The following TECRL variants were observed in gnomAD, a reference collection of about 807,000 sequenced individuals.
TECRL encodes trans-2,3-enoyl-CoA reductase-like.
Under a neutral mutation model 52.8 loss-of-function variants are expected in TECRL, and 63 were observed. The ratio of observed to expected loss-of-function variants is 1.19; its 90% CI spans 0.97 to 1.47. The LOEUF is 1.47. TECRL is among the 40% of genes most tolerant of loss of function. The pLI, the probability that TECRL is intolerant of heterozygous loss-of-function variation, is 0.00. For synonymous variants in TECRL, 164 were observed against 141.9 expected, an observed-to-expected ratio of 1.16 and a Z score of -1.10; for missense variants, 482 against 429.6, an observed-to-expected ratio of 1.12 and a Z score of -1.08.
intron 8 of TECRL, among the ~76,000 whole-genome samples, chr4:64,295,904 T>C (rs1723653418): frequency 6.6e-6 from 1 of 151,950 alleles, no homozygotes; most frequent in Non-Finnish European, 1.5e-5. Flanking sequence ...TTTTAATAAG[T>C]AGTGATCCCC....
At chr4:64,330,766 C>T (rs1157216515) in intron 2 of TECRL, among the ~76,000 whole-genome samples, 1 of 151,974 alleles carries the variant, frequency 6.6e-6, no homozygotes, top group Non-Finnish European at 1.5e-5. Context: ...TGGGAGAAAA[C>T]ATTCTAGTTG....
chr4:64,347,323 G>T (rs1430606175), intron 2 of TECRL, among the ~76,000 whole-genome samples: 2 of 152,106 alleles, frequency 1.3e-5, no homozygotes, highest in South Asian at 2.1e-4. Flanking sequence ...GAGTTCATAG[G>T]CATTTCTGTG....
chr4:64,344,865 G>A (rs1719839366), intron 2 of TECRL, among the ~76,000 whole-genome samples: 1 of 152,046 alleles, frequency 6.6e-6, no homozygotes, highest in Non-Finnish European at 1.5e-5. Flanking sequence ...CACACACCAG[G>A]CCAATGTGAG....
intron 2 of TECRL, among the ~76,000 whole-genome samples, chr4:64,374,079 ATATT>A (rs1553919070): frequency 2.1e-5 from 2 of 96,798 alleles, no homozygotes; most frequent in African/African-American, 7.6e-5. Context: ...ATATATATAT[ATATT>A]TATCTTTTTG....
At chr4:64,389,502 T>C (rs951187062) in intron 1 of TECRL, among the ~76,000 whole-genome samples, 2 of 151,996 alleles carry the variant, frequency 1.3e-5, no homozygotes, top group African/African-American at 4.8e-5. Flanking sequence ...TTTTATACAG[T>C]GTTAAATTCA....
At chr4:64,345,264 C>A (rs552553800) in intron 2 of TECRL, among the ~76,000 whole-genome samples, 31 of 151,930 alleles carry the variant, frequency 2.0e-4, no homozygotes, top group Admixed American at 4.6e-4. Context: ...GTGTTTATTG[C>A]GGCACTATTC....
chr4:64,284,066 T>C (rs905193551), intron 9 of TECRL, among the ~76,000 whole-genome samples: 2 of 151,998 alleles, frequency 1.3e-5, no homozygotes, highest in Non-Finnish European at 2.9e-5. Flanking sequence ...TATAGGAGAA[T>C]ACACATGGGG....
At chr4:64,395,865 C>T (rs572576621) in intron 1 of TECRL, among the ~76,000 whole-genome samples, 1 of 152,072 alleles carries the variant, frequency 6.6e-6, no homozygotes, top group Admixed American at 6.6e-5. Context: ...CTATTGTTCC[C>T]TTTTATGTGT....
intron 3 of TECRL, among the ~76,000 whole-genome samples, chr4:64,324,327 G>C (rs1212374930): frequency 6.6e-6 from 1 of 151,810 alleles, no homozygotes; most frequent in Non-Finnish European, 1.5e-5. Context: ...TACCAAGCAG[G>C]AAGAAAAATG....
chr4:64,312,448 C>G (rs752261453), intron 5 of TECRL, among the ~76,000 whole-genome samples: 1 of 152,080 alleles, frequency 6.6e-6, no homozygotes, highest in African/African-American at 2.4e-5. Flanking sequence ...GAGATACTAC[C>G]AAACATGCTG....
At chr4:64,384,106 T>A (rs1043116881) in intron 1 of TECRL, among the ~76,000 whole-genome samples, 2 of 152,146 alleles carry the variant, frequency 1.3e-5, no homozygotes, top group African/African-American at 4.8e-5. Flanking sequence ...TGCTTAGACA[T>A]CAGTAGTGTC....
chr4:64,383,639 C>T (rs1722969984), intron 1 of TECRL, among the ~76,000 whole-genome samples: 6 of 151,874 alleles, frequency 4.0e-5, no homozygotes, highest in Admixed American at 3.9e-4. Context: ...ATTTAGATTA[C>T]AAATGTTTTT....
chr4:64,375,124 G>T, intron 2 of TECRL, 48 bp downstream of exon 2: 4 of 1,003,584 alleles, frequency 4.0e-6, no homozygotes, highest in East Asian at 3.2e-5. Flanking sequence ...AAACCTATTT[G>T]AAAATAAAAC....
intron 7 of TECRL, among the ~76,000 whole-genome samples, chr4:64,304,683 C>T (rs916894812): frequency 5.9e-5 from 9 of 151,948 alleles, no homozygotes; most frequent in Non-Finnish European, 1.5e-5. Flanking sequence ...AGGTTTCATC[C>T]AGTGTACATT....
intron 4 of TECRL, 83 bp from the exon 5 acceptor site, chr4:64,314,846 G>A (rs771932020): frequency 1.5e-5 from 14 of 939,584 alleles, no homozygotes; most frequent in Admixed American, 2.3e-5. Context: ...TTAGCCTACT[G>A]CATAAATTGG....
intron 3 of TECRL, among the ~76,000 whole-genome samples, chr4:64,327,461 A>T (rs534880870): frequency 2.6e-5 from 4 of 152,220 alleles, no homozygotes; most frequent in African/African-American, 9.6e-5. Flanking sequence ...CATTTCATAT[A>T]TGTCAACATC....
At position 64,281,458 on chromosome 4, in the gene TECRL, T is replaced by TAC; in HGVS notation, c.918+14_918+15dup. Reference sequence around the variant, plus strand: ...CATGAATAGGATTCAAGCATTTACATACATAAATAACATACCTCATAGGTG... The same window carrying TAC: ...CATGAATAGGATTCAAGCATTTACATACACATAAATAACATACCTCATAGGTG... On this transcript the variant is annotated intron_variant, in intron 10 of 11. Coordinates refer to ENST00000381210, the MANE Select transcript of TECRL (RefSeq NM_001010874.5). 6.8e-7 allele frequency: 1 copy of TAC among 1,468,168 alleles called. No homozygotes were observed. Among genetic ancestry groups the TAC allele is most frequent in the East Asian group, 2.3e-5 (1 of 43,738 alleles). The allele number at this position is 1,468,168 out of a possible 1,614,324, so 90.9% of individuals were successfully genotyped here. A position where few individuals can be genotyped will look rare whatever the true frequency, so the allele number is the denominator to read the frequency against.
intron 2 of TECRL, among the ~76,000 whole-genome samples, chr4:64,356,448 C>T (rs1720779401): frequency 6.6e-6 from 1 of 152,134 alleles, no homozygotes; most frequent in African/African-American, 2.4e-5. Context: ...AGGAGAAAAA[C>T]CGCCCTGTGG....
rs980934632 is a variant in TECRL at position 64,354,519 on chromosome 4, C to T, written c.286+20653G>A. On this transcript the variant is annotated intron_variant, in intron 2 of 11. Transcript: ENST00000381210. ...GCCCAAAATAGGAGAAGTAGATAAT[C>T]TTAAAGATATTGGTGAAAGCTCTAA... Among the ~76,000 whole-genome samples, 15 of 152,124 alleles carry T rather than the reference C, an allele frequency of 9.9e-5. No individual in the cohort carries two copies. In the East Asian group the frequency reaches 1.5e-3, roughly 16 times the overall value.
Sources: gnomAD v4.1 joint callset for allele counts (sites outside exome capture counted in the v4.1 genomes callset) on GRCh38, gnomAD v4.1.1 for gene constraint, MANE v1.5 for transcripts, NCBI Gene and HGNC (gene_info 2026-07-23, HGNC 2026-07-21) for gene names.